Variants in NBEA observed in about 807,000 individuals in gnomAD.
NBEA encodes the protein neurobeachin.
In NBEA, 44 loss-of-function variants were observed where a neutral mutation model predicts 343.4. That is an observed-to-expected ratio of 0.13 (90% CI 0.10 to 0.16). NBEA has a LOEUF of 0.16. Among genes scored for constraint, NBEA ranks in the 10% least tolerant of loss-of-function variants. The pLI is 1.00. For synonymous variants in NBEA, 1,175 were observed against 1,238.7 expected (o/e 0.95, Z 1.08); for missense variants, 2,555 against 3,631.3 (o/e 0.70, Z 7.62).
At chr13:35,615,198 G>C (rs538757219) in intron 48 of NBEA, among the ~76,000 whole-genome samples, 1 of 149,676 alleles carries the variant, frequency 6.7e-6, no homozygotes, top group Admixed American at 6.7e-5. Flanking sequence ...TCGGGAGGCT[G>C]AGTGAGAGAA....
rs775711237 is a variant in NBEA, at chr13:35,118,430, C to T, written c.2199C>T (p.His733=). The T allele has an allele frequency of 1.2e-6, 2 of 1,606,648 alleles. No homozygotes were observed. The highest frequency in any genetic ancestry group is 1.7e-6 in the Non-Finnish European group (2 of 1,177,008). ...LQLLVALMSE[H]PASMIPAFDQ... is the part of the protein sequence containing the mutation. The stretch of plus-strand genomic sequence containing the variant: ...TACTGGTGGCTTTAATGTCGGAACA[C>T]CCAGCCTCAATGATACCAGCATTTG... Residue 733 remains histidine, a synonymous_variant, in exon 16 of 59, where the codon CAC becomes CAT. Transcript: ENST00000379939.
intron 40 of NBEA, among the ~76,000 whole-genome samples, chr13:35,453,636 A>G (rs1377218197): frequency 1.3e-5 from 2 of 152,200 alleles, no homozygotes; most frequent in Non-Finnish European, 2.9e-5. Context: ...CTATTCATAT[A>G]TGCTAGCAGA....
intron 34 of NBEA, among the ~76,000 whole-genome samples, chr13:35,283,598 T>C (rs1215469423): frequency 6.6e-6 from 1 of 152,184 alleles, no homozygotes; most frequent in Non-Finnish European, 1.5e-5. Context: ...ATTTTACAAT[T>C]CAAATATTTT....
At chr13:35,308,217 A>T (rs1594153971) in intron 35 of NBEA, among the ~76,000 whole-genome samples, 1 of 151,432 alleles carries the variant, frequency 6.6e-6, no homozygotes, top group East Asian at 1.9e-4. Flanking sequence ...TGATACAGAG[A>T]CTGTGTTTTT....
intron 51 of NBEA, among the ~76,000 whole-genome samples, chr13:35,647,908 C>T (rs1307770664): frequency 6.6e-6 from 1 of 152,014 alleles, no homozygotes; most frequent in Non-Finnish European, 1.5e-5. Flanking sequence ...TAGGGTCTCA[C>T]TCTGTTGCAC....
At chr13:35,255,771 G>C (rs977218246) in intron 34 of NBEA, among the ~76,000 whole-genome samples, 3 of 152,242 alleles carry the variant, frequency 2.0e-5, no homozygotes, top group Middle Eastern at 3.2e-3. Context: ...ACAGTGTGGT[G>C]AGCGGGGGTG....
chr13:35,347,784 C>G (rs1411756372), intron 36 of NBEA, among the ~76,000 whole-genome samples: 1 of 151,926 alleles, frequency 6.6e-6, no homozygotes, highest in Non-Finnish European at 1.5e-5. Context: ...CTGGGCTCAG[C>G]TAAGCAGTTC....
chr13:35,244,269 A>T (rs940406397), intron 34 of NBEA, among the ~76,000 whole-genome samples: 1 of 151,932 alleles, frequency 6.6e-6, no homozygotes, highest in Non-Finnish European at 1.5e-5. Flanking sequence ...CACTCACCTT[A>T]TAAAAAAATC....
chr13:35,338,073 G>A (rs2039371021), intron 36 of NBEA, among the ~76,000 whole-genome samples: 2 of 151,458 alleles, frequency 1.3e-5, no homozygotes, highest in South Asian at 2.1e-4. Flanking sequence ...AAGAAGAGGA[G>A]CAAATTATTT....
At chr13:35,465,776 C>T (rs2075363165) in intron 40 of NBEA, among the ~76,000 whole-genome samples, 1 of 150,256 alleles carries the variant, frequency 6.7e-6, no homozygotes, top group South Asian at 2.1e-4. Flanking sequence ...GCTTTGTAAG[C>T]TTTTTCTTCT....
Position 35,232,432 on chromosome 13 carries a change from G to C in NBEA, c.5649-60G>C, listed in dbSNP as rs146189924. 425 of 1,151,890 alleles carry C rather than the reference G, an allele frequency of 3.7e-4. 1 individual carries two copies. In the African/African-American group the frequency reaches 4.8e-3, roughly 13 times the overall value. 71.4% of individuals were successfully genotyped at this position (1,151,890 alleles called of 1,614,324 possible). Reference sequence around the variant, plus strand: ...TTAAATATTTTAATTTAGAAGTAAAGTTTATTTGACATTTTATATTGAATT... The same window carrying C: ...TTAAATATTTTAATTTAGAAGTAAACTTTATTTGACATTTTATATTGAATT... On this transcript the variant is annotated intron_variant, in intron 33 of 58. Transcript: ENST00000379939.
chr13:35,631,638 T>TTAAAA (rs1043794878), intron 49 of NBEA, among the ~76,000 whole-genome samples: 4 of 126,488 alleles, frequency 3.2e-5, no homozygotes, highest in African/African-American at 1.2e-4. Flanking sequence ...GTCTCCTTTG[T>TTAAAA]AAAAAAAAAA....
At chr13:35,667,757 T>G (rs2153088332) in intron 57 of NBEA, among the ~76,000 whole-genome samples, 187 bp downstream of exon 57, 1 of 152,348 alleles carries the variant, frequency 6.6e-6, no homozygotes, top group East Asian at 1.9e-4. Context: ...TGCAAGTAAT[T>G]AACTCACTGC....
intron 34 of NBEA, among the ~76,000 whole-genome samples, chr13:35,268,932 A>G (rs563643664): frequency 6.6e-6 from 1 of 152,134 alleles, no homozygotes; most frequent in Non-Finnish European, 1.5e-5. Flanking sequence ...ATATTCTTCA[A>G]AAATGAAGGT....
intron 21 of NBEA, among the ~76,000 whole-genome samples, chr13:35,158,599 G>A (rs919964474): frequency 6.6e-6 from 1 of 152,002 alleles, no homozygotes; most frequent in Non-Finnish European, 1.5e-5. Flanking sequence ...TGTTGGGAAG[G>A]GTGCACATAT....
intron 38 of NBEA, among the ~76,000 whole-genome samples, chr13:35,389,737 C>G (rs1276145047): frequency 6.6e-6 from 1 of 151,934 alleles, no homozygotes; most frequent in Non-Finnish European, 1.5e-5. Flanking sequence ...TGATAGAATC[C>G]TTGTAATGGA....
chr13:35,266,276 G>A (rs1029983419), intron 34 of NBEA, among the ~76,000 whole-genome samples: 2 of 151,802 alleles, frequency 1.3e-5, no homozygotes, highest in Admixed American at 1.3e-4. Flanking sequence ...AAAACAGAAT[G>A]GAGGTTCTTC....
chr13:35,029,719 A>G (rs1048965280), intron 1 of NBEA, among the ~76,000 whole-genome samples: 2 of 151,698 alleles, frequency 1.3e-5, no homozygotes, highest in African/African-American at 4.8e-5. Flanking sequence ...CATACACAAA[A>G]GGTACTTAAA....
intron 17 of NBEA, among the ~76,000 whole-genome samples, chr13:35,139,754 T>TG (rs1228586197): frequency 1.4e-5 from 2 of 143,610 alleles, no homozygotes; most frequent in East Asian, 4.1e-4. Flanking sequence ...GTTTTTTTTT[T>TG]TTTTTTTTTT....
Sources: gnomAD v4.1 joint callset for allele counts (sites outside exome capture counted in the v4.1 genomes callset) on GRCh38, gnomAD v4.1.1 for gene constraint, MANE v1.5 for transcripts, NCBI Gene and HGNC (gene_info 2026-07-23, HGNC 2026-07-21) for gene names.